Variants in FHIT observed in about 807,000 individuals in gnomAD.
FHIT encodes bis(5'-adenosyl)-triphosphatase.
Under a neutral mutation model 17.9 loss-of-function variants are expected in FHIT, and 19 were observed. That is an observed-to-expected ratio of 1.06 (90% CI 0.74 to 1.56). FHIT has a LOEUF of 1.56. FHIT is among the 40% of genes most tolerant of loss of function. The pLI, the probability that FHIT is intolerant of heterozygous loss-of-function variation, is 0.00. For missense variants in FHIT, 248 were observed against 189.2 expected (o/e 1.31, Z -1.82); for synonymous variants, 81 against 69.7 (o/e 1.16, Z -0.81).
chr3:61,236,817 C>G (rs1444102551), intron 1 of FHIT, among the ~76,000 whole-genome samples: 1 of 152,154 alleles, frequency 6.6e-6, no homozygotes, highest in East Asian at 1.9e-4. Context: ...TCCCTGCTGA[C>G]CCTGGGACTG....
intron 5 of FHIT, among the ~76,000 whole-genome samples, chr3:60,032,215 A>G (rs1319959825): frequency 6.6e-6 from 1 of 152,164 alleles, no homozygotes; most frequent in Non-Finnish European, 1.5e-5. Flanking sequence ...GTCCTTAATT[A>G]AAATCATTAT....
intron 5 of FHIT, among the ~76,000 whole-genome samples, chr3:60,502,125 T>C (rs543133152): frequency 1.2e-3 from 187 of 152,324 alleles, no homozygotes; most frequent in African/African-American, 4.3e-3. Context: ...CAAAAAGTGA[T>C]AGTAGTTATC....
chr3:60,742,798 G>A (rs894243672), intron 4 of FHIT, among the ~76,000 whole-genome samples: 8 of 152,148 alleles, frequency 5.3e-5, no homozygotes, highest in South Asian at 2.1e-4. Context: ...GTTCTGTAGC[G>A]CTTAAGGATA....
intron 3 of FHIT, among the ~76,000 whole-genome samples, chr3:60,936,497 T>C (rs1262127406): frequency 2.0e-5 from 3 of 152,230 alleles, no homozygotes; most frequent in South Asian, 2.1e-4. Flanking sequence ...AAGCTCTATA[T>C]GTAAAATGTT....
chr3:60,089,748 G>A (rs1245081140), intron 5 of FHIT, among the ~76,000 whole-genome samples: 1 of 152,162 alleles, frequency 6.6e-6, no homozygotes, highest in Admixed American at 6.5e-5. Flanking sequence ...TGTTTCTGAT[G>A]AGGGTAGTCT....
At chr3:60,585,506 T>C (rs2037878400) in intron 4 of FHIT, among the ~76,000 whole-genome samples, 1 of 152,016 alleles carries the variant, frequency 6.6e-6, no homozygotes, top group African/African-American at 2.4e-5. Context: ...TTACACATTC[T>C]GCAACAAAAT....
At position 60,882,697 on chromosome 3, in the gene FHIT, T is replaced by C. The variant is rs150986803; in HGVS notation, c.-110-60686A>G. 2.0e-3 allele frequency among the ~76,000 whole-genome samples: 303 copies of C among 152,068 alleles called. 1 individual carries two copies. The highest frequency in any genetic ancestry group is 7.0e-3 in the African/African-American group (289 of 41,514). ...TGATAAAAACCCTGAACAAACTAAG[T>C]ATAGAATAAGTGCACCTCAACATAG... On this transcript the variant is annotated intron_variant, in intron 3 of 9. Transcript: ENST00000492590.
At chr3:60,181,641 A>G (rs544623363) in intron 5 of FHIT, among the ~76,000 whole-genome samples, 19 of 152,328 alleles carry the variant, frequency 1.2e-4, no homozygotes, top group African/African-American at 3.8e-4. Context: ...TTTAATAAGC[A>G]CAAAGCCTCT....
At chr3:60,462,422 A>G (rs920249269) in intron 5 of FHIT, among the ~76,000 whole-genome samples, 5 of 152,164 alleles carry the variant, frequency 3.3e-5, no homozygotes, top group African/African-American at 9.6e-5. Context: ...TCTCCCAAAC[A>G]CTGTAAGAAC....
chr3:59,763,750 G>GCAAA (rs34891258), intron 8 of FHIT, among the ~76,000 whole-genome samples: 121,913 of 151,492 alleles, frequency 0.8, 49,615 homozygotes, highest in East Asian at 0.9. Flanking sequence ...AGTGGCAAGT[G>GCAAA]CAAACACCCC....
rs371398278 is a variant in FHIT at position 60,148,459 on chromosome 3, T to C, written c.104-134307A>G. On this transcript the variant is annotated intron_variant, in intron 5 of 9. Transcript: ENST00000492590. ...TTATTTTTATCCTAGCAAACTATAC[T>C]TTACCTTTCTGGTAGAATTTTAACT... Among the ~76,000 whole-genome samples, 9 of 152,344 alleles carry C rather than the reference T, an allele frequency of 5.9e-5. 2 individuals are homozygous for C. The highest frequency in any genetic ancestry group is 5.8e-4 in the East Asian group (3 of 5,184).
At chr3:60,893,976 T>C (rs185339058) in intron 3 of FHIT, among the ~76,000 whole-genome samples, 1 of 152,282 alleles carries the variant, frequency 6.6e-6, no homozygotes, top group East Asian at 1.9e-4. Flanking sequence ...ATGGGAAAGG[T>C]TCACTGTTGT....
chr3:60,250,233 C>T (rs1705626186), intron 5 of FHIT, among the ~76,000 whole-genome samples: 1 of 152,058 alleles, frequency 6.6e-6, no homozygotes, highest in African/African-American at 2.4e-5. Flanking sequence ...ATTATCCTAG[C>T]CAATAAATTC....
chr3:60,483,940 G>A (rs2033726430), intron 5 of FHIT, among the ~76,000 whole-genome samples: 1 of 152,076 alleles, frequency 6.6e-6, no homozygotes, highest in African/African-American at 2.4e-5. Context: ...CATCATCTCA[G>A]CCCCCAAACT....
At chr3:60,441,716 A>ATTTGTATT (rs1478753585) in intron 5 of FHIT, among the ~76,000 whole-genome samples, 14 of 105,728 alleles carry the variant, frequency 1.3e-4, no homozygotes, top group Admixed American at 2.4e-4. Flanking sequence ...ATATATATAT[A>ATTTGTATT]TATATATTTG....
intron 3 of FHIT, among the ~76,000 whole-genome samples, chr3:60,930,829 T>C (rs1246942148): frequency 1.3e-4 from 20 of 152,158 alleles, no homozygotes; most frequent in African/African-American, 4.8e-4. Context: ...GATCTAGAAC[T>C]AGAAATACCA....
rs182402950 is a variant in FHIT at position 60,284,967 on chromosome 3, T to C, written c.103+251893A>G. On this transcript the variant is annotated intron_variant, in intron 5 of 9. Transcript: ENST00000492590. ...ACCACTGTCAAGTTATAGGTTAACT[T>C]GTAGTTTTTGTCTAGTACGAAAGAA... Among the ~76,000 whole-genome samples the C allele has an allele frequency of 3.1e-4, 47 of 152,282 alleles. 1 individual carries two copies. Among genetic ancestry groups the C allele is most frequent in the Admixed American group, 2.3e-3 (35 of 15,284 alleles).
intron 5 of FHIT, among the ~76,000 whole-genome samples, chr3:60,094,881 C>T (rs1267390163): frequency 6.6e-6 from 1 of 152,050 alleles, no homozygotes; most frequent in East Asian, 1.9e-4. Flanking sequence ...AAAGGAAGCA[C>T]CCAAGCGTTT....
rs1487492623 is a variant in FHIT, at chr3:61,135,096, T to C, written c.-164+65521A>G. 2.0e-5 allele frequency among the ~76,000 whole-genome samples: 3 copies of C among 152,238 alleles called. No individual in the cohort carries two copies. The East Asian group carries it at 5.8e-4, about 29-fold the overall frequency. On this transcript the variant is annotated intron_variant, in intron 2 of 9. Transcript: ENST00000492590. ...ATCAGAGATAATTTCACAGAGGGAC[T>C]GTGAAAATGGCCACAGGGGCATCTG...
Sources: allele counts gnomAD v4.1 joint callset (sites outside exome capture counted in the v4.1 genomes callset), GRCh38; gene constraint gnomAD v4.1.1; transcripts MANE v1.5; gene names NCBI Gene and HGNC (gene_info 2026-07-23, HGNC 2026-07-21).